ICA1: variants seen among roughly 807,000 people sequenced by gnomAD.
ICA1 encodes 69 kDa islet cell autoantigen.
Under a neutral mutation model 71.0 loss-of-function variants are expected in ICA1, and 40 were observed. The observed-to-expected ratio is 0.56, with a 90% confidence interval of 0.44 to 0.73. ICA1 has a LOEUF of 0.73. Among genes scored for constraint, ICA1 ranks in the 30% least tolerant of loss-of-function variants. The probability of loss-of-function intolerance (pLI) is 0.00; values close to 1 mark genes in which losing one functional copy is unlikely to be tolerated. For synonymous variants in ICA1, 207 were observed against 209.5 expected (o/e 0.99, Z 0.10); for missense variants, 578 against 576.5 (o/e 1.00, Z -0.03).
chr7:8,194,053 T>G (rs546611784), intron 6 of ICA1, among the ~76,000 whole-genome samples: 2 of 152,220 alleles, frequency 1.3e-5, no homozygotes, highest in Non-Finnish European at 2.9e-5. Context: ...GTTATCTTCA[T>G]AGATAAAATG....
At chr7:8,203,354 TAAGAAA>T (rs1790399339) in intron 6 of ICA1, among the ~76,000 whole-genome samples, 1 of 152,174 alleles carries the variant, frequency 6.6e-6, no homozygotes, top group Admixed American at 6.5e-5. Flanking sequence ...AGTTAAGACA[TAAGAAA>T]TCTTCATATA....
Position 8,223,715 on chromosome 7 carries a change from A to C in ICA1, c.257-2317T>G, listed in dbSNP as rs1329336347. 1.3e-5 allele frequency among the ~76,000 whole-genome samples: 2 copies of C among 152,070 alleles called. No individual in the cohort carries two copies. Among genetic ancestry groups the C allele is most frequent in the Non-Finnish European group, 2.9e-5 (2 of 67,976 alleles). On this transcript the variant is annotated intron_variant, in intron 4 of 13. Coordinates refer to ENST00000402384, the MANE Select transcript of ICA1 (RefSeq NM_001136020.3). This position sits in a 1 kb window ranked among gnomAD's most constrained non-coding sequence, Gnocchi z 4.1. ...GGTAGAGGCAGGAGGATTGCTTGAT[A>C]CTAGGAGTTCAAGACCAGCCTGTGC...
At chr7:8,137,297 T>G (rs1018195545) in intron 12 of ICA1, among the ~76,000 whole-genome samples, 6 of 152,216 alleles carry the variant, frequency 3.9e-5, no homozygotes, top group Admixed American at 6.5e-5. Context: ...AAGGTGATAA[T>G]AAAAGCAAAG....
At chr7:8,240,163 A>G (rs760966227) in intron 1 of ICA1, among the ~76,000 whole-genome samples, 6 of 152,280 alleles carry the variant, frequency 3.9e-5, no homozygotes, top group Non-Finnish European at 5.9e-5. Flanking sequence ...CACCTTATAC[A>G]GGTGGGTGCC....
intron 6 of ICA1, among the ~76,000 whole-genome samples, chr7:8,205,783 A>G (rs1310986155): frequency 6.6e-6 from 1 of 152,204 alleles, no homozygotes; most frequent in Non-Finnish European, 1.5e-5. Context: ...TGAGAGAGAG[A>G]CTGTAGGGAA....
At chr7:8,256,044 G>A (rs1434878321) in intron 1 of ICA1, among the ~76,000 whole-genome samples, 2 of 151,732 alleles carry the variant, frequency 1.3e-5, no homozygotes, top group African/African-American at 4.9e-5. Context: ...CAAAGTGCTA[G>A]GATCACAGAC....
At chr7:8,213,259 A>G (rs974261468) in intron 6 of ICA1, among the ~76,000 whole-genome samples, 1 of 152,262 alleles carries the variant, frequency 6.6e-6, no homozygotes, top group Non-Finnish European at 1.5e-5. Flanking sequence ...TTAGCAGAGG[A>G]AGAGCAGATA....
chr7:8,142,731 A>C (rs1303406864), intron 9 of ICA1, among the ~76,000 whole-genome samples: 1 of 152,206 alleles, frequency 6.6e-6, no homozygotes, highest in Non-Finnish European at 1.5e-5. Flanking sequence ...AATTAACATA[A>C]ATAAAACACC....
chr7:8,240,705 A>G (rs752605240), intron 1 of ICA1, among the ~76,000 whole-genome samples: 2 of 152,208 alleles, frequency 1.3e-5, no homozygotes, highest in Non-Finnish European at 2.9e-5. Flanking sequence ...TAAACAGTGT[A>G]GAGAAGACTT....
At chr7:8,187,175 C>T (rs559361864) in intron 6 of ICA1, among the ~76,000 whole-genome samples, 62 of 152,248 alleles carry the variant, frequency 4.1e-4, no homozygotes, top group South Asian at 3.1e-3. Flanking sequence ...TAAACCTAGA[C>T]GATATAGCAC....
intron 13 of ICA1, among the ~76,000 whole-genome samples, chr7:8,121,031 G>A (rs1437385312): frequency 6.6e-6 from 1 of 152,346 alleles, no homozygotes; most frequent in Admixed American, 6.5e-5. Context: ...ATGCCTGCAA[G>A]GGGTAGATAA....
chr7:8,262,264 T>TGCGCACCGCA (rs1010173324), upstream of ICA1: 6 of 151,778 alleles, frequency 4.0e-5, no homozygotes, highest in African/African-American at 1.5e-4. Context: ...GCGGAGCCCG[T>TGCGCACCGCA]GCGCACCGCA....
chr7:8,164,579 C>T (rs542388696), intron 6 of ICA1, among the ~76,000 whole-genome samples: 12 of 152,290 alleles, frequency 7.9e-5, no homozygotes, highest in Non-Finnish European at 1.3e-4. Flanking sequence ...CCTCAGACCA[C>T]ATCAGAAATC....
intron 6 of ICA1, among the ~76,000 whole-genome samples, chr7:8,174,715 C>T (rs1308513882): frequency 7.1e-6 from 1 of 140,056 alleles, no homozygotes; most frequent in Non-Finnish European, 1.5e-5. Flanking sequence ...GGATCACTTG[C>T]ACTGTGCTCC....
intron 8 of ICA1, among the ~76,000 whole-genome samples, chr7:8,152,654 C>A (rs62637770): frequency 2.1e-5 from 2 of 97,168 alleles, no homozygotes; most frequent in Non-Finnish European, 4.4e-5. Context: ...CCACCACCAC[C>A]ACCACCACCA....
rs1801079959 is a variant in ICA1, at chr7:8,234,044, A to G, written c.18-1289T>C. 6.6e-6 allele frequency among the ~76,000 whole-genome samples: 1 copy of G among 152,226 alleles called. No homozygotes were observed. The highest frequency in any genetic ancestry group is 2.4e-5 in the African/African-American group (1 of 41,560). ...TTCAGATCAGCCTGGGCAACATAGT[A>G]AAACCCCATCTCTACAAATAATTAG... is the stretch of plus-strand genomic sequence containing the variant. On this transcript the variant is annotated intron_variant, in intron 2 of 13. Coordinates refer to ENST00000402384, the MANE Select transcript of ICA1 (RefSeq NM_001136020.3). The surrounding 1 kb of genome is among the most constrained non-coding windows in gnomAD (Gnocchi z 4.5).
chr7:8,124,255 G>T (rs1788202476), intron 13 of ICA1, among the ~76,000 whole-genome samples: 1 of 151,566 alleles, frequency 6.6e-6, no homozygotes, highest in Admixed American at 6.6e-5. Flanking sequence ...CAAGTAGCTG[G>T]GACTACAGGC....
chr7:8,209,306 A>T (rs561245414), intron 6 of ICA1, among the ~76,000 whole-genome samples: 1 of 152,300 alleles, frequency 6.6e-6, no homozygotes, highest in South Asian at 2.1e-4. Context: ...ACATATTAGC[A>T]TTTATAGTAT....
intron 12 of ICA1, among the ~76,000 whole-genome samples, chr7:8,134,332 G>A (rs1226007075): frequency 3.3e-5 from 5 of 152,174 alleles, no homozygotes; most frequent in South Asian, 2.1e-4. Context: ...GTTTAGACAC[G>A]GTGTGGGAAA....
Sources: allele counts gnomAD v4.1 joint callset (sites outside exome capture counted in the v4.1 genomes callset), GRCh38; gene constraint gnomAD v4.1.1; non-coding constraint Gnocchi (gnomAD v3.1); transcripts MANE v1.5; gene names NCBI Gene and HGNC (gene_info 2026-07-23, HGNC 2026-07-21).